The following NELL2 variants were observed in gnomAD, a reference collection of about 807,000 sequenced individuals.
The protein encoded by NELL2 is neural EGFL like 2.
Under a neutral mutation model 109.6 loss-of-function variants are expected in NELL2, and 41 were observed. That is an observed-to-expected ratio of 0.37 (90% CI 0.29 to 0.49). The LOEUF (loss-of-function observed/expected upper bound fraction) is 0.49. Ranked by LOEUF, NELL2 falls within the 20% of genes least tolerant of loss-of-function variation. The pLI, the probability that NELL2 is intolerant of heterozygous loss-of-function variation, is 0.98. For synonymous variants in NELL2, 355 were observed against 344.7 expected (o/e 1.03, Z -0.33); for missense variants, 900 against 1,008.3 (o/e 0.89, Z 1.45).
At chr12:44,710,199 T>A (rs1259422761) in intron 11 of NELL2, among the ~76,000 whole-genome samples, 2 of 152,198 alleles carry the variant, frequency 1.3e-5, no homozygotes, top group African/African-American at 4.8e-5. Context: ...AGATCCTATG[T>A]CCACTTTTAA....
At chr12:44,731,395 C>T (rs956704944) in intron 9 of NELL2, among the ~76,000 whole-genome samples, 2 of 149,594 alleles carry the variant, frequency 1.3e-5, no homozygotes, top group African/African-American at 2.6e-5. Context: ...GATTATACAC[C>T]ATGATAAAGT....
chr12:44,745,408 T>C (rs955724300), intron 9 of NELL2, among the ~76,000 whole-genome samples: 19 of 152,166 alleles, frequency 1.2e-4, no homozygotes, highest in African/African-American at 4.3e-4. Flanking sequence ...GGATGCCCTC[T>C]CTCACCACTC....
chr12:44,875,993 CA>C lies in NELL2; in HGVS notation c.-125del, dbSNP rs1945308086. ...CTGCTGCTGCCTCGGATTTACTGAT[CA>C]GTAGGATTAATACGCTTTGGTTGCC... is the stretch of plus-strand genomic sequence containing the variant. On this transcript the variant is annotated 5_prime_UTR_variant, in exon 1 of 20. Coordinates refer to ENST00000429094, the MANE Select transcript of NELL2 (RefSeq NM_001145108.2). The C allele has an allele frequency of 8.4e-6, 13 of 1,553,772 alleles. No individual in the cohort carries two copies. Among genetic ancestry groups the C allele is most frequent in the Non-Finnish European group, 1.1e-5 (13 of 1,157,094 alleles).
rs71093817 is a variant in NELL2, at chr12:44,641,689, C to CTTTTTTTTTT, written c.1444+23785_1444+23794dup. 2.7e-4 allele frequency among the ~76,000 whole-genome samples: 22 copies of CTTTTTTTTTT among 80,640 alleles called. 1 individual carries two copies. Among genetic ancestry groups the CTTTTTTTTTT allele is most frequent in the Non-Finnish European group, 2.9e-4 (13 of 44,612 alleles). The allele number at this position is 80,640 out of a possible 152,430, so 52.9% of individuals were successfully genotyped here. On this transcript the variant is annotated intron_variant, in intron 13 of 19. Coordinates refer to ENST00000429094, the MANE Select transcript of NELL2 (RefSeq NM_001145108.2). ...TCGTGAGGACTTGTACTAGTTTCTC[C>CTTTTTTTTTT]TTTTTTTTTTTTTTTTTTTTTTTTT...
chr12:44,917,622 T>C (rs971238255), upstream of NELL2, among the ~76,000 whole-genome samples: 2 of 152,196 alleles, frequency 1.3e-5, no homozygotes, highest in Non-Finnish European at 2.9e-5. Flanking sequence ...ATCGATAGAA[T>C]ATGGCAAAGA....
intron 9 of NELL2, among the ~76,000 whole-genome samples, chr12:44,753,179 CCT>C (rs1402861333): frequency 3.3e-5 from 5 of 152,136 alleles, no homozygotes; most frequent in Admixed American, 3.3e-4. Context: ...ACCACAGCAC[CCT>C]GTCCCTATCA....
rs751942019 is a variant in NELL2 at position 44,854,716 on chromosome 12, G to A, written c.184+20509C>T. Among the ~76,000 whole-genome samples, 172 of 147,064 alleles carry A rather than the reference G, an allele frequency of 1.2e-3. 1 individual carries two copies. Among genetic ancestry groups the A allele is most frequent in the African/African-American group, 4.1e-3 (164 of 40,008 alleles). ...GATGGGTGGATGGATGGGTGGGTGG[G>A]TGGATGGATGGATGGATGGATGGAT... On this transcript the variant is annotated intron_variant, in intron 2 of 19. Transcript: ENST00000429094.
intron 15 of NELL2, among the ~76,000 whole-genome samples, chr12:44,577,710 C>T (rs756100545): frequency 4.6e-5 from 7 of 151,960 alleles, no homozygotes; most frequent in South Asian, 2.1e-4. Flanking sequence ...GATCTCCTGA[C>T]CTCGTGATCC....
At chr12:44,799,769 C>T (rs548953826) in intron 3 of NELL2, among the ~76,000 whole-genome samples, 1 of 152,120 alleles carries the variant, frequency 6.6e-6, no homozygotes, top group African/African-American at 2.4e-5. Flanking sequence ...TATTCCAAGG[C>T]ATTTATTAAC....
At chr12:44,595,923 A>T (rs941959386) in intron 15 of NELL2, among the ~76,000 whole-genome samples, 5 of 152,210 alleles carry the variant, frequency 3.3e-5, no homozygotes, top group Non-Finnish European at 7.3e-5. Context: ...GGTTCCCACC[A>T]GTAGAAGTTT....
At chr12:44,712,582 C>T (rs978643819) in intron 10 of NELL2, among the ~76,000 whole-genome samples, 20 of 151,944 alleles carry the variant, frequency 1.3e-4, no homozygotes, top group African/African-American at 4.8e-4. Flanking sequence ...TGTGAGAGAG[C>T]TGTCAATTCT....
intron 9 of NELL2, among the ~76,000 whole-genome samples, chr12:44,731,728 C>A (rs931126077): frequency 1.3e-5 from 2 of 151,898 alleles, no homozygotes; most frequent in African/African-American, 4.8e-5. Flanking sequence ...CAACAAAGTA[C>A]TAGAACTTCT....
At chr12:44,576,870 T>C (rs1384895995) in intron 15 of NELL2, among the ~76,000 whole-genome samples, 1 of 150,544 alleles carries the variant, frequency 6.6e-6, no homozygotes, top group Admixed American at 6.6e-5. Context: ...ACAAAGGACA[T>C]GAACTCATCA....
At chr12:44,855,144 T>TCAA (rs1944647455) in intron 2 of NELL2, among the ~76,000 whole-genome samples, 1 of 152,212 alleles carries the variant, frequency 6.6e-6, no homozygotes, top group Middle Eastern at 3.2e-3. Context: ...CTCCTCAATT[T>TCAA]GTATTAAGCA....
chr12:44,607,951 G>A (rs1364345180), intron 14 of NELL2, among the ~76,000 whole-genome samples: 5 of 152,048 alleles, frequency 3.3e-5, no homozygotes, highest in African/African-American at 4.8e-5. Context: ...AGGGAGCCAA[G>A]GTCTGTACCA....
At chr12:44,913,070 A>G (rs1945797260) in intron 1 of NELL2, among the ~76,000 whole-genome samples, 1 of 152,218 alleles carries the variant, frequency 6.6e-6, no homozygotes, top group South Asian at 2.1e-4. Context: ...ATTTCTGTTA[A>G]ATAAATCAAA....
At chr12:44,741,089 A>G (rs1384158625) in intron 9 of NELL2, among the ~76,000 whole-genome samples, 2 of 152,066 alleles carry the variant, frequency 1.3e-5, no homozygotes, top group African/African-American at 4.8e-5. Context: ...CCCCTGGGAC[A>G]GCTGGACGAA....
At chr12:44,534,094 A>G (rs918006182) in intron 15 of NELL2, among the ~76,000 whole-genome samples, 1 of 152,064 alleles carries the variant, frequency 6.6e-6, no homozygotes, top group Non-Finnish European at 1.5e-5. Context: ...CTCCTATTTC[A>G]GTCTCATCCC....
chr12:44,881,459 G>A (rs1945411060), intron 1 of NELL2, among the ~76,000 whole-genome samples: 1 of 151,714 alleles, frequency 6.6e-6, no homozygotes, highest in Non-Finnish European at 1.5e-5. Context: ...TTTTAGAGCT[G>A]GAAAACAGAA....
Sources: gnomAD v4.1 joint callset for allele counts (sites outside exome capture counted in the v4.1 genomes callset) on GRCh38, gnomAD v4.1.1 for gene constraint, MANE v1.5 for transcripts, NCBI Gene and HGNC (gene_info 2026-07-23, HGNC 2026-07-21) for gene names.